The following ADAMTS19 variants were observed in gnomAD, a reference collection of about 807,000 sequenced individuals.
ADAMTS19 encodes ADAM metallopeptidase with thrombospondin type 1 motif 19.
In ADAMTS19, 93 loss-of-function variants were observed where a neutral mutation model predicts 153.3. The ratio of observed to expected loss-of-function variants is 0.61; its 90% CI spans 0.51 to 0.72. The LOEUF (loss-of-function observed/expected upper bound fraction) is 0.72, where lower values mean the gene tolerates loss of function less well. Among genes scored for constraint, ADAMTS19 ranks in the 30% least tolerant of loss-of-function variants. ADAMTS19 has a pLI of 0.00. For missense variants in ADAMTS19, 1,482 were observed against 1,552.1 expected (o/e 0.95, Z 0.76); for synonymous variants, 600 against 556.6 (o/e 1.08, Z -1.10).
Position 129,461,010 on chromosome 5 carries a change from G to A in ADAMTS19, c.92-92G>A. 1 of 1,256,764 alleles carries A rather than the reference G, an allele frequency of 8.0e-7. No homozygotes were observed. The highest frequency in any genetic ancestry group is 1.0e-6 in the Non-Finnish European group (1 of 1,002,064). The allele number at this position is 1,256,764 out of a possible 1,614,324, so 77.9% of individuals were successfully genotyped here. A position where few individuals can be genotyped will look rare whatever the true frequency, so the allele number is the denominator to read the frequency against. On this transcript the variant is annotated intron_variant, in intron 1 of 22. Transcript: ENST00000274487. The surrounding 1 kb of genome is among the most constrained non-coding windows in gnomAD (Gnocchi z 4.6). Reference sequence around the variant, plus strand: ...GGTCTCCATTGCATTCAACGCGAGCGCCCTGTATCTATGGACTGTGAGCTT... The same window carrying A: ...GGTCTCCATTGCATTCAACGCGAGCACCCTGTATCTATGGACTGTGAGCTT...
intron 7 of ADAMTS19, among the ~76,000 whole-genome samples, chr5:129,583,965 T>C (rs1749653796): frequency 6.6e-6 from 1 of 151,634 alleles, no homozygotes; most frequent in Admixed American, 6.6e-5. Context: ...TGGCGAGGAG[T>C]TGTGATCATT....
chr5:129,698,008 A>C (rs150708714), intron 19 of ADAMTS19, among the ~76,000 whole-genome samples: 1 of 152,182 alleles, frequency 6.6e-6, no homozygotes, highest in African/African-American at 2.4e-5. Context: ...GAAGGAGCAG[A>C]GTGTACAATA....
chr5:129,537,693 G>A (rs192243617), intron 6 of ADAMTS19, among the ~76,000 whole-genome samples: 13,550 of 151,668 alleles, frequency 0.089, 674 homozygotes, highest in Middle Eastern at 0.15. Context: ...ACCAAACACC[G>A]CATGTTCTCA....
At chr5:129,690,606 A>G (rs1460228121) in intron 18 of ADAMTS19, among the ~76,000 whole-genome samples, 2 of 152,244 alleles carry the variant, frequency 1.3e-5, no homozygotes, top group African/African-American at 2.4e-5. Flanking sequence ...TTTTTAATGT[A>G]AAAAAAGGAT....
intron 10 of ADAMTS19, among the ~76,000 whole-genome samples, chr5:129,627,681 A>G (rs1159528593): frequency 5.3e-5 from 8 of 152,170 alleles, no homozygotes; most frequent in Non-Finnish European, 2.9e-5. Context: ...GCCAACAAGC[A>G]TATTAAAAAA....
Position 129,461,657 on chromosome 5 carries a change from C to G in ADAMTS19, c.647C>G (p.Pro216Arg). The change falls in exon 2 of 23, where the codon CCG becomes CGG. Residue 216 changes from proline to arginine, a missense_variant. Pro to Arg is a moderately radical substitution (Grantham distance 103). Coordinates refer to ENST00000274487, the MANE Select transcript of ADAMTS19 (RefSeq NM_133638.6). The surrounding 1 kb of genome is among the most constrained non-coding windows in gnomAD (Gnocchi z 4.6). ...GGCCCCACGGGGGCAGCATCCGCCC[C>G]GCAACCTCCCGCGCCACCAGACGCA... is the stretch of plus-strand genomic sequence containing the variant. ...GPGPTGAASA[P>R]QPPAPPDAGC... The G allele has an allele frequency of 6.3e-7, 1 of 1,587,750 alleles. No individual in the cohort carries two copies. The highest frequency in any genetic ancestry group is 8.5e-7 in the Non-Finnish European group (1 of 1,172,994).
chr5:129,574,798 A>G (rs1237411035), intron 7 of ADAMTS19, among the ~76,000 whole-genome samples: 1 of 151,922 alleles, frequency 6.6e-6, no homozygotes, highest in Non-Finnish European at 1.5e-5. Context: ...AAGGTAAAAA[A>G]GCATCTATTA....
At position 129,602,052 on chromosome 5, in the gene ADAMTS19, CCACT is replaced by C. The variant is rs547342059; in HGVS notation, c.1478+5391_1478+5394del. On this transcript the variant is annotated intron_variant, in intron 8 of 22. Transcript: ENST00000274487. ...TTCTTTGGAATGTGCAGATTTTAGA[CCACT>C]CAAACTTGTGAACTCTTTACTGCAA... Among the ~76,000 whole-genome samples the C allele has an allele frequency of 9.0e-3, 1,371 of 152,322 alleles. 11 individuals carry two copies. The highest frequency in any genetic ancestry group is 0.014 in the Non-Finnish European group (959 of 68,026).
At chr5:129,479,872 A>C (rs1273307044) in intron 2 of ADAMTS19, among the ~76,000 whole-genome samples, 1 of 152,178 alleles carries the variant, frequency 6.6e-6, no homozygotes, top group African/African-American at 2.4e-5. Context: ...ACTCAATTTT[A>C]AGATGTCAAT....
intron 8 of ADAMTS19, among the ~76,000 whole-genome samples, chr5:129,599,569 A>G (rs763588348): frequency 2.0e-5 from 3 of 152,188 alleles, no homozygotes; most frequent in Non-Finnish European, 4.4e-5. Context: ...TTCAATCTTC[A>G]TTGTATTCTA....
intron 11 of ADAMTS19, among the ~76,000 whole-genome samples, chr5:129,642,912 T>C (rs554164090): frequency 2.6e-4 from 39 of 152,112 alleles, no homozygotes; most frequent in Admixed American, 5.2e-4. Context: ...CACTCACACA[T>C]GCACACACAG....
intron 16 of ADAMTS19, among the ~76,000 whole-genome samples, chr5:129,666,930 T>C (rs1176201049): frequency 6.6e-6 from 1 of 152,204 alleles, no homozygotes; most frequent in Non-Finnish European, 1.5e-5. Context: ...TTCTAAATTA[T>C]AATATGGGTT....
At chr5:129,466,604 C>T (rs1036184101) in intron 2 of ADAMTS19, among the ~76,000 whole-genome samples, 1 of 151,946 alleles carries the variant, frequency 6.6e-6, no homozygotes, top group African/African-American at 2.4e-5. Flanking sequence ...TATCCCAGAA[C>T]ACAATACAAG....
At chr5:129,725,352 C>A (rs1235125384) in intron 21 of ADAMTS19, among the ~76,000 whole-genome samples, 1 of 151,982 alleles carries the variant, frequency 6.6e-6, no homozygotes. Context: ...GTGAGCTGTC[C>A]ACATGCACAA....
intron 2 of ADAMTS19, among the ~76,000 whole-genome samples, chr5:129,493,336 C>T (rs1050739163): frequency 6.6e-6 from 1 of 151,818 alleles, no homozygotes; most frequent in Non-Finnish European, 1.5e-5. Context: ...GATTCCACGC[C>T]CGTTTCTCTA....
chr5:129,559,791 T>A (rs988130284), intron 7 of ADAMTS19, among the ~76,000 whole-genome samples: 1 of 152,212 alleles, frequency 6.6e-6, no homozygotes, highest in African/African-American at 2.4e-5. Context: ...GTCCTTATTG[T>A]AGGCTGTTAC....
At chr5:129,603,608 A>G (rs1432587872) in intron 8 of ADAMTS19, among the ~76,000 whole-genome samples, 1 of 152,170 alleles carries the variant, frequency 6.6e-6, no homozygotes, top group Non-Finnish European at 1.5e-5. Context: ...ACAATATCTA[A>G]ATTATCTGGG....
In ADAMTS19 at chr5:129,498,813, T is replaced by TTG. The variant is rs397767317; in HGVS notation, c.748-10264_748-10263insTG. Among the ~76,000 whole-genome samples the TTG allele has an allele frequency of 5.5e-3, 817 of 149,158 alleles. 9 individuals are homozygous for TTG. The highest frequency in any genetic ancestry group is 0.019 in the African/African-American group (759 of 40,138). On this transcript the variant is annotated intron_variant, in intron 2 of 22. Coordinates refer to ENST00000274487, the MANE Select transcript of ADAMTS19 (RefSeq NM_133638.6). Reference sequence around the variant, plus strand: ...CATTCACTCTATTTTTTTTTTTTTTTGATCTTTCTTTGTTTCTTTAATACT... The same window carrying TTG: ...CATTCACTCTATTTTTTTTTTTTTTTTGGATCTTTCTTTGTTTCTTTAATACT...
rs1319672070 is a variant in ADAMTS19, at chr5:129,731,265, C to T, written c.3313-3667C>T. Among the ~76,000 whole-genome samples, 6 of 151,992 alleles carry T rather than the reference C, an allele frequency of 3.9e-5. No individual in the cohort carries two copies. In the East Asian group the frequency reaches 1.2e-3, roughly 29 times the overall value. Reference sequence around the variant, plus strand: ...GAGCCACCACACCCAGCCTAAGATACAATTTTGTAAAAAGACATGGCATTT... The same window carrying T: ...GAGCCACCACACCCAGCCTAAGATATAATTTTGTAAAAAGACATGGCATTT... On this transcript the variant is annotated intron_variant, in intron 21 of 22. Transcript: ENST00000274487.
Sources: gnomAD v4.1 joint callset for allele counts (sites outside exome capture counted in the v4.1 genomes callset) on GRCh38, gnomAD v4.1.1 for gene constraint, Gnocchi (gnomAD v3.1) non-coding constraint, MANE v1.5 for transcripts, NCBI Gene and HGNC (gene_info 2026-07-23, HGNC 2026-07-21) for gene names.